COLEC12: variants seen among roughly 807,000 people sequenced by gnomAD.
COLEC12 encodes collectin-12.
In COLEC12, 33 loss-of-function variants were observed where a neutral mutation model predicts 71.1. The ratio of observed to expected loss-of-function variants is 0.46; its 90% CI spans 0.35 to 0.62. The LOEUF (loss-of-function observed/expected upper bound fraction) is 0.62. Ranked by LOEUF, COLEC12 falls within the 20% of genes least tolerant of loss-of-function variation. The pLI is 0.00. For synonymous variants in COLEC12, 350 were observed against 353.0 expected (o/e 0.99, Z 0.10); for missense variants, 765 against 916.1 (o/e 0.84, Z 2.13).
chr18:325,452 C>T (rs544327190), intron 8 of COLEC12, among the ~76,000 whole-genome samples: 6 of 151,962 alleles, frequency 3.9e-5, no homozygotes, highest in Non-Finnish European at 5.9e-5. Flanking sequence ...GCAGGGTAGG[C>T]AAGAGAGGCC....
intron 2 of COLEC12, among the ~76,000 whole-genome samples, chr18:410,572 G>A (rs1167601225): frequency 6.6e-6 from 1 of 152,072 alleles, no homozygotes; most frequent in African/African-American, 2.4e-5. Flanking sequence ...CCGAGTAGCT[G>A]GGATTACAGG....
At chr18:428,785 A>C (rs997357791) in intron 2 of COLEC12, among the ~76,000 whole-genome samples, 1 of 152,210 alleles carries the variant, frequency 6.6e-6, no homozygotes, top group Non-Finnish European at 1.5e-5. Context: ...CTTTTCAATA[A>C]AATTTCATTA....
intron 2 of COLEC12, among the ~76,000 whole-genome samples, chr18:455,655 CT>C (rs1258792388): frequency 2.0e-5 from 3 of 151,074 alleles, no homozygotes; most frequent in Non-Finnish European, 3.0e-5. Flanking sequence ...TTGCCCCCCC[CT>C]CCCCTGACAG....
chr18:479,245 C>T (rs189850932), intron 2 of COLEC12, among the ~76,000 whole-genome samples: 6 of 152,258 alleles, frequency 3.9e-5, no homozygotes, highest in Non-Finnish European at 7.4e-5. Flanking sequence ...ATCGCAGAAA[C>T]ATGGAATCGT....
intron 1 of COLEC12, among the ~76,000 whole-genome samples, chr18:498,669 T>C (rs1917759814): frequency 6.6e-6 from 1 of 152,036 alleles, no homozygotes; most frequent in Non-Finnish European, 1.5e-5. Context: ...GCTGGAATAT[T>C]TTCGTTTTTA....
At chr18:461,940 A>C (rs1201786633) in intron 2 of COLEC12, among the ~76,000 whole-genome samples, 2 of 152,244 alleles carry the variant, frequency 1.3e-5, no homozygotes, top group African/African-American at 4.8e-5. Context: ...TGTACAGATA[A>C]TGAGATGGAA....
rs1364130564 is a variant in COLEC12 at position 379,292 on chromosome 18, TA to T, written c.59-21771del. On this transcript the variant is annotated intron_variant, in intron 2 of 9. Coordinates refer to ENST00000400256, the MANE Select transcript of COLEC12 (RefSeq NM_130386.3). ...CACATGCCACCATATCCAGCTAATTTATTTTTTTATTTTTTGTACAGATGGG... is the reference window on the plus strand; with the variant it reads ...CACATGCCACCATATCCAGCTAATTTTTTTTTTATTTTTTGTACAGATGGG... Among the ~76,000 whole-genome samples, 7 of 152,038 alleles carry T rather than the reference TA, an allele frequency of 4.6e-5. No individual in the cohort carries two copies. The South Asian group carries it at 1.2e-3, about 27-fold the overall frequency.
chr18:376,762 T>C (rs943473172), intron 2 of COLEC12, among the ~76,000 whole-genome samples: 6 of 152,142 alleles, frequency 3.9e-5, no homozygotes, highest in African/African-American at 1.4e-4. Flanking sequence ...CTCTCGTCTT[T>C]CTCTGCAGGG....
intron 2 of COLEC12, among the ~76,000 whole-genome samples, chr18:427,306 C>T (rs17563929): frequency 0.19 from 28,427 of 152,158 alleles, 2,928 homozygotes; most frequent in Middle Eastern, 0.24. Context: ...GCAAAAGCAT[C>T]GCCAAATTCA....
intron 2 of COLEC12, among the ~76,000 whole-genome samples, chr18:464,673 C>T (rs1917051544): frequency 6.6e-6 from 1 of 152,156 alleles, no homozygotes; most frequent in Admixed American, 6.5e-5. Context: ...TTCTCCCCGG[C>T]TAGACTGGGA....
At chr18:349,872 A>G (rs747798508) in intron 3 of COLEC12, among the ~76,000 whole-genome samples, 4 of 152,220 alleles carry the variant, frequency 2.6e-5, no homozygotes, top group African/African-American at 7.2e-5. Flanking sequence ...TGGAAAGGCT[A>G]TATTTACCCA....
chr18:438,308 T>C (rs2143688471), intron 2 of COLEC12, among the ~76,000 whole-genome samples: 1 of 152,330 alleles, frequency 6.6e-6, no homozygotes, highest in South Asian at 2.1e-4. Context: ...TAGCCTCAAA[T>C]ATAAAGTAGA....
chr18:421,841 G>A (rs914808862), intron 2 of COLEC12, among the ~76,000 whole-genome samples: 1 of 152,190 alleles, frequency 6.6e-6, no homozygotes, highest in African/African-American at 2.4e-5. Context: ...GTTCCTCGAT[G>A]AGAAGCCAAG....
At chr18:336,615 A>G (rs1914124163) in intron 5 of COLEC12, among the ~76,000 whole-genome samples, 1 of 152,170 alleles carries the variant, frequency 6.6e-6, no homozygotes, top group Non-Finnish European at 1.5e-5. Flanking sequence ...TTCTCATTGC[A>G]TAAATGAGGA....
At chr18:359,956 T>A (rs1914708445) in intron 2 of COLEC12, among the ~76,000 whole-genome samples, 1 of 152,206 alleles carries the variant, frequency 6.6e-6, no homozygotes, top group Non-Finnish European at 1.5e-5. Flanking sequence ...AAACAGCATA[T>A]AACAATGACT....
intron 2 of COLEC12, among the ~76,000 whole-genome samples, chr18:391,985 C>T (rs955300729): frequency 6.6e-6 from 1 of 152,190 alleles, no homozygotes; most frequent in Non-Finnish European, 1.5e-5. Flanking sequence ...TACGTGGCAT[C>T]ATACTTTGCA....
chr18:364,288 T>C (rs1914810015), intron 2 of COLEC12, among the ~76,000 whole-genome samples: 1 of 152,256 alleles, frequency 6.6e-6, no homozygotes, highest in Non-Finnish European at 1.5e-5. Context: ...ACTCAGAGTA[T>C]GCAGTGTCTG....
At chr18:376,708 T>C (rs1236744308) in intron 2 of COLEC12, among the ~76,000 whole-genome samples, 3 of 152,178 alleles carry the variant, frequency 2.0e-5, no homozygotes, top group African/African-American at 7.2e-5. Flanking sequence ...GCAAAGACCT[T>C]GATGAGAATC....
chr18:328,677 T>C (rs1913901317), intron 8 of COLEC12, among the ~76,000 whole-genome samples: 1 of 152,156 alleles, frequency 6.6e-6, no homozygotes, highest in Admixed American at 6.5e-5. Context: ...CATAGGTATT[T>C]TGGAAAATTC....
Sources: gnomAD v4.1 joint callset for allele counts (sites outside exome capture counted in the v4.1 genomes callset) on GRCh38, gnomAD v4.1.1 for gene constraint, MANE v1.5 for transcripts, NCBI Gene and HGNC (gene_info 2026-07-23, HGNC 2026-07-21) for gene names.